CCDC171: variants seen among roughly 807,000 people sequenced by gnomAD.
CCDC171 encodes the protein coiled-coil domain-containing protein 171.
Under a neutral mutation model 168.2 loss-of-function variants are expected in CCDC171, and 177 were observed. The ratio of observed to expected loss-of-function variants is 1.05; its 90% confidence interval spans 0.93 to 1.19. The LOEUF (loss-of-function observed/expected upper bound fraction) is 1.19. Ranked by LOEUF, CCDC171 falls within the 50% of genes most tolerant of loss-of-function variation. The pLI is 0.00. For synonymous variants in CCDC171, 687 were observed against 540.8 expected (o/e 1.27, Z -3.75); for missense variants, 1,991 against 1,539.0 (o/e 1.29, Z -4.91).
chr9:16,034,271 T>C (rs1833423104), intron 6 of CCDC171, among the ~76,000 whole-genome samples: 1 of 152,188 alleles, frequency 6.6e-6, no homozygotes, highest in East Asian at 1.9e-4. Context: ...TTGGCGTCTA[T>C]CAGCCTTCCT....
intron 21 of CCDC171, among the ~76,000 whole-genome samples, chr9:15,836,810 C>CA (rs1563840763): frequency 6.6e-6 from 1 of 152,194 alleles, no homozygotes; most frequent in Non-Finnish European, 1.5e-5. Flanking sequence ...CCAGAAAGGA[C>CA]ACCACCGATT....
chr9:15,759,597 T>C (rs1405712310), intron 18 of CCDC171, among the ~76,000 whole-genome samples: 1 of 152,194 alleles, frequency 6.6e-6, no homozygotes, highest in Non-Finnish European at 1.5e-5. Context: ...TTGCCCATGA[T>C]CTTGGCCTTC....
At chr9:15,852,433 C>G (rs1243951169) in intron 23 of CCDC171, among the ~76,000 whole-genome samples, 1 of 151,636 alleles carries the variant, frequency 6.6e-6, no homozygotes, top group Non-Finnish European at 1.5e-5. Flanking sequence ...GGTTGATTGT[C>G]TTTTTGTTGT....
intron 11 of CCDC171, among the ~76,000 whole-genome samples, chr9:15,705,519 T>A (rs2052151942): frequency 6.6e-6 from 1 of 152,206 alleles, no homozygotes; most frequent in African/African-American, 2.4e-5. Flanking sequence ...GTACTGACCA[T>A]TCCTTCTACC....
At chr9:15,674,819 A>G (rs1443838154) in intron 9 of CCDC171, among the ~76,000 whole-genome samples, 1 of 152,176 alleles carries the variant, frequency 6.6e-6, no homozygotes, top group East Asian at 1.9e-4. Flanking sequence ...CGTGGTGTTG[A>G]GAAGAATGTA....
rs189602287 is a variant in CCDC171, at chr9:15,724,047, A to G, written c.1491+301A>G. On this transcript the variant is annotated intron_variant, in intron 13 of 25. Transcript: ENST00000380701. ...TAAGATGAAATGTCCAGCCTTAGGTACGTACTAAACATATTTTACATAAGC... is the reference window on the plus strand; with the variant it reads ...TAAGATGAAATGTCCAGCCTTAGGTGCGTACTAAACATATTTTACATAAGC... Among the ~76,000 whole-genome samples the G allele has an allele frequency of 5.9e-5, 9 of 152,338 alleles. No homozygotes were observed. The East Asian group carries it at 1.7e-3, about 29-fold the overall frequency.
rs180773260 is a variant in CCDC171 at position 15,661,943 on chromosome 9, G to A, written c.916-4220G>A. Reference sequence around the variant, plus strand: ...GGTACAATTAAAAAATTTAAATCGAGTTGTATCTACCTATTTTACTCCCTT... The same window carrying A: ...GGTACAATTAAAAAATTTAAATCGAATTGTATCTACCTATTTTACTCCCTT... On this transcript the variant is annotated intron_variant, in intron 8 of 25. Transcript: ENST00000380701. Among the ~76,000 whole-genome samples, 58 of 152,294 alleles carry A rather than the reference G, an allele frequency of 3.8e-4. No homozygotes were observed. The Middle Eastern group carries it at 0.017, about 45-fold the overall frequency.
chr9:15,705,103 C>A (rs1013303306), intron 11 of CCDC171, among the ~76,000 whole-genome samples: 2 of 151,438 alleles, frequency 1.3e-5, no homozygotes, highest in Non-Finnish European at 2.9e-5. Flanking sequence ...CACACACACA[C>A]ACACACACAC....
chr9:16,043,071 A>G (rs574949395), intron 1 of CCDC171, among the ~76,000 whole-genome samples: 229 of 152,284 alleles, frequency 1.5e-3, no homozygotes, highest in Middle Eastern at 6.8e-3. Context: ...TTAAGCCAGG[A>G]AAGTGTGATG....
At chr9:15,733,494 T>C (rs984863090) in intron 16 of CCDC171, among the ~76,000 whole-genome samples, 2 of 151,428 alleles carry the variant, frequency 1.3e-5, no homozygotes, top group African/African-American at 4.8e-5. Context: ...TTTTTTTTTT[T>C]GCGTATTCAT....
At chr9:15,717,874 T>G (rs758788814) in intron 11 of CCDC171, among the ~76,000 whole-genome samples, 3 of 152,178 alleles carry the variant, frequency 2.0e-5, no homozygotes, top group Non-Finnish European at 2.9e-5. Context: ...GAATCTGAGA[T>G]CTGCTGGTTT....
downstream of CCDC171, among the ~76,000 whole-genome samples, chr9:16,062,604 A>T (rs556875675): frequency 6.6e-6 from 1 of 152,368 alleles, no homozygotes; most frequent in African/African-American, 2.4e-5. Context: ...AAATTCATTC[A>T]TCCATTCATT....
At chr9:15,633,635 T>A (rs199749317) in intron 7 of CCDC171, among the ~76,000 whole-genome samples, 1 of 152,118 alleles carries the variant, frequency 6.6e-6, no homozygotes, top group Non-Finnish European at 1.5e-5. Flanking sequence ...AGGAATCTAG[T>A]ACTAGAAATA....
intron 25 of CCDC171, among the ~76,000 whole-genome samples, chr9:15,936,505 A>G (rs1166731477): frequency 6.6e-6 from 1 of 151,894 alleles, no homozygotes; most frequent in Non-Finnish European, 1.5e-5. Context: ...CTGCCACTTG[A>G]GAGTTGAGGG....
intron 24 of CCDC171, among the ~76,000 whole-genome samples, chr9:15,898,413 C>T (rs138844298): frequency 6.6e-6 from 1 of 152,084 alleles, no homozygotes; most frequent in African/African-American, 2.4e-5. Context: ...GTGTTGCTAT[C>T]ACAGTCAGTG....
the CCDC171 span, among the ~76,000 whole-genome samples, chr9:16,070,748 G>A: frequency 1.1e-4 from 17 of 152,170 alleles, no homozygotes; most frequent in African/African-American, 3.6e-4. Flanking sequence ...AACATGTGTG[G>A]CCACCCACCT....
chr9:15,750,191 C>G (rs986099623), intron 18 of CCDC171, among the ~76,000 whole-genome samples: 8 of 152,058 alleles, frequency 5.3e-5, no homozygotes, highest in Non-Finnish European at 1.2e-4. Context: ...CTATAAAGAC[C>G]TCTACATAAA....
At chr9:15,598,539 T>C (rs543281067) in intron 6 of CCDC171, among the ~76,000 whole-genome samples, 1 of 152,308 alleles carries the variant, frequency 6.6e-6, no homozygotes, top group Admixed American at 6.5e-5. Context: ...TCTGTTCTTT[T>C]ACATTTGCTG....
chr9:15,938,622 G>A (rs955433394), intron 25 of CCDC171, among the ~76,000 whole-genome samples: 9 of 151,760 alleles, frequency 5.9e-5, no homozygotes, highest in African/African-American at 1.9e-4. Flanking sequence ...TGGATATATT[G>A]CATTTGTTCT....
Sources: allele counts gnomAD v4.1 joint callset (sites outside exome capture counted in the v4.1 genomes callset), GRCh38; gene constraint gnomAD v4.1.1; transcripts MANE v1.5; gene names NCBI Gene and HGNC (gene_info 2026-07-23, HGNC 2026-07-21).